CCSER1: variants seen among roughly 807,000 people sequenced by gnomAD.
CCSER1 encodes the protein serine-rich coiled-coil domain-containing protein 1.
CCSER1 carries 41 observed loss-of-function variants against 82.0 expected under a neutral mutation model. The observed-to-expected ratio is 0.50, with a 90% CI of 0.39 to 0.65. CCSER1 has a LOEUF of 0.65. Among genes scored for constraint, CCSER1 ranks in the 30% least tolerant of loss-of-function variants. The pLI is 0.00. For synonymous variants in CCSER1, 414 were observed against 383.9 expected (o/e 1.08, Z -0.92); for missense variants, 1,119 against 1,064.2 (o/e 1.05, Z -0.72).
chr4:90,359,594 C>T (rs914521672), intron 3 of CCSER1, among the ~76,000 whole-genome samples: 3 of 151,504 alleles, frequency 2.0e-5, no homozygotes, highest in Non-Finnish European at 2.9e-5. Context: ...AAAAATTAGC[C>T]GGGCGTGATG....
chr4:91,564,210 A>G lies in CCSER1; in HGVS notation c.2218-34362A>G, dbSNP rs1762781758. 2.0e-5 allele frequency among the ~76,000 whole-genome samples: 3 copies of G among 151,878 alleles called. No individual in the cohort carries two copies. In the South Asian group the frequency reaches 6.2e-4, roughly 31 times the overall value. On this transcript the variant is annotated intron_variant, in intron 10 of 10. Transcript: ENST00000509176. ...AGCTTCATCCATGTTACTGCAAAAG[A>G]CAGACATAATCTCGTTCTTTTTTTT...
intron 5 of CCSER1, among the ~76,000 whole-genome samples, chr4:90,491,498 T>C (rs1273896534): frequency 6.6e-6 from 1 of 152,190 alleles, no homozygotes; most frequent in Admixed American, 6.5e-5. Context: ...CCTAATTGAA[T>C]ACCCTTTATT....
intron 1 of CCSER1, among the ~76,000 whole-genome samples, chr4:90,153,917 A>G (rs1408739093): frequency 6.6e-6 from 1 of 152,040 alleles, no homozygotes; most frequent in African/African-American, 2.4e-5. Context: ...TTTTGTTGCC[A>G]TTGCTTTTGG....
intron 9 of CCSER1, among the ~76,000 whole-genome samples, chr4:90,953,892 G>A (rs1241239629): frequency 5.1e-5 from 5 of 98,072 alleles, no homozygotes; most frequent in Non-Finnish European, 2.2e-5. Flanking sequence ...TTTTCCAATA[G>A]TCTTTTTAGC....
intron 10 of CCSER1, among the ~76,000 whole-genome samples, chr4:91,088,394 A>G (rs1723591769): frequency 6.6e-6 from 1 of 152,176 alleles, no homozygotes; most frequent in Admixed American, 6.5e-5. Flanking sequence ...AAAATGAAGT[A>G]GACAGTAATA....
chr4:91,124,554 T>C (rs1234555360), intron 10 of CCSER1, among the ~76,000 whole-genome samples: 1 of 151,830 alleles, frequency 6.6e-6, no homozygotes, highest in East Asian at 1.9e-4. Context: ...GCTGCTTCTC[T>C]GTGTTCCCAA....
rs1759688717 is a variant in CCSER1 at position 91,509,098 on chromosome 4, C to G, written c.2218-89474C>G. Among the ~76,000 whole-genome samples, 7 of 151,474 alleles carry G rather than the reference C, an allele frequency of 4.6e-5. No homozygotes were observed. The South Asian group carries it at 1.5e-3, about 32-fold the overall frequency. ...TTTCTCTTTCTATTTTATTTATTTC[C>G]TCTGTAGTTTTCATTATTTTCTTCC... On this transcript the variant is annotated intron_variant, in intron 10 of 10. Transcript: ENST00000509176.
intron 5 of CCSER1, among the ~76,000 whole-genome samples, chr4:90,545,010 A>G (rs1776591888): frequency 6.6e-6 from 1 of 152,084 alleles, no homozygotes; most frequent in Non-Finnish European, 1.5e-5. Flanking sequence ...TAATGTCTAG[A>G]TGTGTAGATT....
At chr4:91,297,373 G>GTATGTGTGTGTA (rs1744274798) in intron 10 of CCSER1, among the ~76,000 whole-genome samples, 6 of 101,356 alleles carry the variant, frequency 5.9e-5, no homozygotes, top group South Asian at 6.6e-4. Context: ...GCTTGTGTGT[G>GTATGTGTGTGTA]TGTGTGTGTG....
intron 10 of CCSER1, among the ~76,000 whole-genome samples, chr4:91,284,763 A>G (rs1458137820): frequency 6.6e-6 from 1 of 152,082 alleles, no homozygotes; most frequent in Non-Finnish European, 1.5e-5. Context: ...AAGTAAATCC[A>G]TCTTAATATG....
At chr4:91,109,005 C>T (rs1194040834) in intron 10 of CCSER1, among the ~76,000 whole-genome samples, 1 of 152,182 alleles carries the variant, frequency 6.6e-6, no homozygotes, top group Non-Finnish European at 1.5e-5. Flanking sequence ...GATTTGCTTT[C>T]TCTGTTCCGG....
At chr4:90,723,097 T>C (rs1278210799) in intron 6 of CCSER1, among the ~76,000 whole-genome samples, 1 of 152,004 alleles carries the variant, frequency 6.6e-6, no homozygotes, top group Non-Finnish European at 1.5e-5. Context: ...TCTTTTGTTT[T>C]ATTTGCATAT....
chr4:91,408,378 C>T (rs1752828942), intron 10 of CCSER1, among the ~76,000 whole-genome samples: 1 of 152,172 alleles, frequency 6.6e-6, no homozygotes, highest in Non-Finnish European at 1.5e-5. Flanking sequence ...TGCTTTATCT[C>T]ATGATGCAAG....
At chr4:90,951,582 T>G (rs1171347146) in intron 9 of CCSER1, among the ~76,000 whole-genome samples, 1 of 152,106 alleles carries the variant, frequency 6.6e-6, no homozygotes, top group African/African-American at 2.4e-5. Flanking sequence ...CAAGGTTTTG[T>G]CAGAAGTCCA....
chr4:90,631,904 T>C (rs1021256722), intron 6 of CCSER1, among the ~76,000 whole-genome samples: 1 of 152,262 alleles, frequency 6.6e-6, no homozygotes, highest in East Asian at 1.9e-4. Flanking sequence ...ATATGAAACA[T>C]AAATGACTTT....
intron 6 of CCSER1, among the ~76,000 whole-genome samples, chr4:90,686,227 TCG>T (rs770395550): frequency 9.9e-5 from 15 of 152,088 alleles, no homozygotes; most frequent in Non-Finnish European, 1.8e-4. Context: ...CCCCTCTCTC[TCG>T]ACCCTGTCAT....
chr4:91,192,192 C>A (rs1735052409), intron 10 of CCSER1, among the ~76,000 whole-genome samples: 2 of 152,016 alleles, frequency 1.3e-5, no homozygotes, highest in Non-Finnish European at 2.9e-5. Flanking sequence ...CAGTTTTATG[C>A]CCCCACTTTT....
At chr4:90,907,372 G>A (rs1725650568) in intron 8 of CCSER1, among the ~76,000 whole-genome samples, 1 of 151,120 alleles carries the variant, frequency 6.6e-6, no homozygotes, top group South Asian at 2.1e-4. Context: ...GCTAGTGAGG[G>A]AATGTTTGGG....
At chr4:90,751,688 A>G (rs1172070771) in intron 7 of CCSER1, among the ~76,000 whole-genome samples, 1 of 152,074 alleles carries the variant, frequency 6.6e-6, no homozygotes, top group Non-Finnish European at 1.5e-5. Context: ...TACATAACAT[A>G]TTCATTTTGA....
Sources: allele counts gnomAD v4.1 joint callset (sites outside exome capture counted in the v4.1 genomes callset), GRCh38; gene constraint gnomAD v4.1.1; transcripts MANE v1.5; gene names NCBI Gene and HGNC (gene_info 2026-07-23, HGNC 2026-07-21).